Variants in EFCAB13 observed in about 807,000 individuals in gnomAD.
The protein encoded by EFCAB13 is EF-hand calcium binding domain 13.
A neutral mutation model predicts 110.2 loss-of-function variants in EFCAB13; 91 were observed. The observed-to-expected ratio is 0.83, with a 90% confidence interval of 0.70 to 0.98. The LOEUF is 0.98. Ranked by LOEUF, EFCAB13 falls within the 50% of genes least tolerant of loss-of-function variation. EFCAB13 has a pLI of 0.00. For missense variants in EFCAB13, 968 were observed against 1,119.4 expected (o/e 0.86, Z 1.93); for synonymous variants, 323 against 369.9 (o/e 0.87, Z 1.45).
intron 9 of EFCAB13, among the ~76,000 whole-genome samples, chr17:47,360,682 A>G (rs1236109269): frequency 6.6e-6 from 1 of 152,128 alleles, no homozygotes; most frequent in Non-Finnish European, 1.5e-5. Context: ...TTGGTGTTTT[A>G]GACATGAAGT....
intron 3 of EFCAB13, chr17:47,328,014 AT>A: frequency 2.3e-6 from 1 of 443,062 alleles, no homozygotes; most frequent in Non-Finnish European, 4.0e-6. Flanking sequence ...ATGTAATTGG[AT>A]TTCTCAGCTT....
In EFCAB13 at chr17:47,440,294, G is replaced by A. The variant is rs564992657; in HGVS notation, c.2639-137G>A. 6.8e-5 allele frequency: 53 copies of A among 780,970 alleles called. No individual in the cohort carries two copies. The South Asian group carries it at 1.2e-3, about 18-fold the overall frequency. 48.4% of individuals were successfully genotyped at this position (780,970 alleles called of 1,614,324 possible). A position where few individuals can be genotyped will look rare whatever the true frequency, so the allele number is the denominator to read the frequency against. On this transcript the variant is annotated intron_variant, in intron 24 of 24. Transcript: ENST00000331493. ...AATTGATAATCATATGCATGCAAGA[G>A]GTAAGGGAGAAGAAATAGCCCAGCC...
At chr17:47,401,883 G>A (rs2065780951) in intron 17 of EFCAB13, among the ~76,000 whole-genome samples, 1 of 151,720 alleles carries the variant, frequency 6.6e-6, no homozygotes. Flanking sequence ...TGACCTCATG[G>A]TCCACCCACC....
In EFCAB13 at chr17:47,374,834, A is replaced by G. The variant is rs766160232; in HGVS notation, c.1240A>G (p.Thr414Ala). The G allele has an allele frequency of 6.2e-7, 1 of 1,614,062 alleles. No homozygotes were observed. The highest frequency in any genetic ancestry group is 8.5e-7 in the Non-Finnish European group (1 of 1,179,980). Residue 414 changes from threonine to alanine, a missense_variant, in exon 12 of 25, where the codon ACA (threonine) becomes GCA (alanine). Physicochemically the swap from Thr to Ala is moderately conservative, Grantham distance 58 (BLOSUM62 0). Transcript: ENST00000331493. ...TAAACCACAAAGCTTGAAGAGTAGT[A>G]CAAGCCTCAGTAAGTCTCTGGATAA... ...KSKPQSLKSS[T>A]SLSKSLDKSD...
At chr17:47,351,365 T>C (rs1211778227) in intron 9 of EFCAB13, among the ~76,000 whole-genome samples, 1 of 150,590 alleles carries the variant, frequency 6.6e-6, no homozygotes, top group Non-Finnish European at 1.5e-5. Context: ...TGATGGACAC[T>C]TAGGTTGATT....
intron 6 of EFCAB13, among the ~76,000 whole-genome samples, chr17:47,343,804 T>C (rs2143264088): frequency 6.6e-6 from 1 of 152,258 alleles, no homozygotes; most frequent in Non-Finnish European, 1.5e-5. Context: ...CACATTGCAC[T>C]TAAGTCAAAG....
chr17:47,378,014 G>T, intron 13 of EFCAB13, 111 bp downstream of exon 13: 1 of 995,130 alleles, frequency 1.0e-6, no homozygotes, highest in Non-Finnish European at 1.4e-6. Context: ...GGACAGAATG[G>T]GTCATTCTAA....
chr17:47,325,923 A>AATATATATATAT (rs60735562), intron 2 of EFCAB13, among the ~76,000 whole-genome samples: 1,310 of 102,162 alleles, frequency 0.013, 22 homozygotes, highest in South Asian at 0.017. Context: ...ATATAAACAA[A>AATATATATATAT]ATATATATAT....
intron 6 of EFCAB13, 97 bp from the exon 7 acceptor site, chr17:47,344,065 G>A (rs2065400959): frequency 7.5e-7 from 1 of 1,338,086 alleles, no homozygotes; most frequent in Non-Finnish European, 9.9e-7. Context: ...AGGAGCCAAG[G>A]TATGATTAAT....
At chr17:47,381,282 AT>A (rs1567793546) in intron 14 of EFCAB13, among the ~76,000 whole-genome samples, 1 of 151,434 alleles carries the variant, frequency 6.6e-6, no homozygotes, top group African/African-American at 2.4e-5. Flanking sequence ...GGTTGCAAAA[AT>A]TTTCTCCCAT....
chr17:47,348,083 G>A (rs1011785617), intron 9 of EFCAB13, 132 bp downstream of exon 9: 15 of 691,180 alleles, frequency 2.2e-5, no homozygotes, highest in Admixed American at 2.1e-4. Context: ...CATATTGTAT[G>A]TTACAAAACA....
chr17:47,370,640 G>A (rs2065576675), intron 11 of EFCAB13, 132 bp downstream of exon 11: 2 of 568,324 alleles, frequency 3.5e-6, no homozygotes, highest in Non-Finnish European at 5.9e-6. Flanking sequence ...CTTAAATCAA[G>A]GAGATAAAAT....
intron 24 of EFCAB13, among the ~76,000 whole-genome samples, chr17:47,439,302 G>A (rs1017177818): frequency 1.3e-5 from 2 of 148,872 alleles, no homozygotes. Flanking sequence ...TCAGCCTCCC[G>A]AGTAGCTGGG....
intron 17 of EFCAB13, among the ~76,000 whole-genome samples, chr17:47,397,026 C>G (rs1831915460): frequency 6.9e-6 from 1 of 145,136 alleles, no homozygotes; most frequent in African/African-American, 2.5e-5. Context: ...CCCTCTCCCC[C>G]TCCCCCTCCC....
intron 9 of EFCAB13, among the ~76,000 whole-genome samples, chr17:47,357,102 G>C (rs2065485132): frequency 6.6e-6 from 1 of 152,174 alleles, no homozygotes; most frequent in South Asian, 2.1e-4. Context: ...GTAGCACCGA[G>C]TTTATTTCCA....
rs545002037 is a variant in EFCAB13, at chr17:47,393,409, G to A, written c.1727-616G>A. Among the ~76,000 whole-genome samples, 380 of 152,208 alleles carry A rather than the reference G, an allele frequency of 2.5e-3. 4 individuals are homozygous for A. The highest frequency in any genetic ancestry group is 8.9e-3 in the African/African-American group (371 of 41,522). ...AAAATCTCTTGGACTTAAGTACCAG[G>A]AAGCATATTCAAGAATGTACATGGC... On this transcript the variant is annotated intron_variant, in intron 15 of 24. Coordinates refer to ENST00000331493, the MANE Select transcript of EFCAB13 (RefSeq NM_152347.5).
chr17:47,395,463 A>G (rs1028149339), intron 16 of EFCAB13, among the ~76,000 whole-genome samples: 4 of 152,212 alleles, frequency 2.6e-5, no homozygotes, highest in African/African-American at 9.6e-5. Context: ...TTGAAGAGGA[A>G]GTAGGAGCCA....
rs928378832 is a variant in EFCAB13, at chr17:47,324,569, C to T, written c.-248+46C>T. 1.8e-4 allele frequency: 28 copies of T among 151,968 alleles called. 1 individual carries two copies. Among genetic ancestry groups the T allele is most frequent in the Non-Finnish European group, 1.5e-5 (1 of 68,016 alleles). The allele number at this position is 151,968 out of a possible 1,614,324, so 9.4% of individuals were successfully genotyped here. A position where few individuals can be genotyped will look rare whatever the true frequency, so the allele number is the denominator to read the frequency against. ...TTACACAAATATGAAAACAGGGTGA[C>T]GAAAGTTTGAACGTTCATGAATGGC... is the stretch of plus-strand genomic sequence containing the variant. On this transcript the variant is annotated intron_variant, in intron 2 of 24. Transcript: ENST00000331493.
intron 14 of EFCAB13, among the ~76,000 whole-genome samples, chr17:47,382,241 T>A (rs756581822): frequency 3.3e-5 from 5 of 152,218 alleles, no homozygotes; most frequent in Admixed American, 6.5e-5. Context: ...GTTTATCAGC[T>A]TAAGGAGATT....
Sources: gnomAD v4.1 joint callset for allele counts (sites outside exome capture counted in the v4.1 genomes callset) on GRCh38, gnomAD v4.1.1 for gene constraint, MANE v1.5 for transcripts, NCBI Gene and HGNC (gene_info 2026-07-23, HGNC 2026-07-21) for gene names.